Variants in TNRC6B observed in about 807,000 individuals in gnomAD.
TNRC6B encodes trinucleotide repeat containing adaptor 6B.
Under a neutral mutation model 203.6 loss-of-function variants are expected in TNRC6B, and 52 were observed. The observed-to-expected ratio is 0.26, with a 90% confidence interval of 0.20 to 0.32. The LOEUF (loss-of-function observed/expected upper bound fraction) is 0.32. Among genes scored for constraint, TNRC6B ranks in the 10% least tolerant of loss-of-function variants. The pLI, the probability that TNRC6B is intolerant of heterozygous loss-of-function variation, is 1.00. For missense variants in TNRC6B, 1,923 were observed against 2,286.2 expected (o/e 0.84, Z 3.24); for synonymous variants, 838 against 845.7 (o/e 0.99, Z 0.16).
intron 3 of TNRC6B, among the ~76,000 whole-genome samples, chr22:40,257,496 C>A (rs1237880869): frequency 6.6e-6 from 1 of 152,116 alleles, no homozygotes; most frequent in Non-Finnish European, 1.5e-5. Flanking sequence ...GCAGGTGGAT[C>A]ACCTGAGGTC....
intron 1 of TNRC6B, among the ~76,000 whole-genome samples, chr22:40,113,626 G>T (rs2068361682): frequency 6.6e-6 from 1 of 152,192 alleles, no homozygotes; most frequent in Non-Finnish European, 1.5e-5. Context: ...CAAAGTGCCA[G>T]GATTACAGGT....
intron 3 of TNRC6B, among the ~76,000 whole-genome samples, chr22:40,154,868 T>TAC (rs2068803636): frequency 2.9e-5 from 1 of 34,232 alleles, no homozygotes; most frequent in Non-Finnish European, 4.8e-5. Flanking sequence ...AAAATATATA[T>TAC]ATATATATAT....
In TNRC6B at chr22:40,089,441, C is replaced by T. The variant is rs574415887; in HGVS notation, c.-120-27614C>T. Among the ~76,000 whole-genome samples, 6 of 152,228 alleles carry T rather than the reference C, an allele frequency of 3.9e-5. No homozygotes were observed. The South Asian group carries it at 1.0e-3, about 26-fold the overall frequency. On this transcript the variant is annotated intron_variant, in intron 1 of 23. Transcript: ENST00000301923. ...AGAGATGGGGCTTCACCATGTTGGC[C>T]AGGCTGGTTGTGAACTCCTGACCTC...
chr22:40,083,768 A>C (rs2068079345), intron 1 of TNRC6B, among the ~76,000 whole-genome samples: 15 of 152,124 alleles, frequency 9.9e-5, no homozygotes, highest in Admixed American at 9.8e-4. Flanking sequence ...GAAAGAGGGG[A>C]AAATTGATGC....
chr22:40,261,886 G>T lies in TNRC6B; in HGVS notation c.170G>T (p.Gly57Val), dbSNP rs1385031694. 1 of 1,593,680 alleles carries T rather than the reference G, an allele frequency of 6.3e-7. No individual in the cohort carries two copies. The highest frequency in any genetic ancestry group is 1.3e-5 in the African/African-American group (1 of 74,760). The change falls in exon 4 of 23, where the codon GGC becomes GTC. Residue 57 changes from glycine (G) to valine (V), a missense_variant. Gly to Val is a moderately radical substitution (Grantham distance 109). Coordinates refer to ENST00000454349, the MANE Select transcript of TNRC6B (RefSeq NM_001162501.2). ...CAACCAACGGCCGCCAGCCCAATTG[G>T]CAGCTCTCCATCGCCACCAGTCAAT... ...LSQPTAASPI[G>V]SSPSPPVNGG...
At chr22:40,253,284 G>T (rs548243881) in intron 3 of TNRC6B, among the ~76,000 whole-genome samples, 1 of 150,436 alleles carries the variant, frequency 6.6e-6, no homozygotes, top group Non-Finnish European at 1.5e-5. Flanking sequence ...TAGAGACGGG[G>T]TTTCACCATG....
intron 1 of TNRC6B, among the ~76,000 whole-genome samples, chr22:40,210,950 A>C (rs576137933): frequency 6.6e-6 from 1 of 152,148 alleles, no homozygotes; most frequent in Non-Finnish European, 1.5e-5. Flanking sequence ...CAGTCATGAC[A>C]AACAAATGTC....
intron 4 of TNRC6B, among the ~76,000 whole-genome samples, chr22:40,156,755 G>GTTTTTTTTTTTTT (rs542249864): frequency 7.4e-6 from 1 of 135,008 alleles, no homozygotes; most frequent in Non-Finnish European, 1.6e-5. Flanking sequence ...TTTGTTGTTG[G>GTTTTTTTTTTTTT]TTTTTTTTTT....
chr22:40,126,763 G>A (rs5995816), intron 3 of TNRC6B, among the ~76,000 whole-genome samples: 1,833 of 150,304 alleles, frequency 0.012, 38 homozygotes, highest in African/African-American at 0.042. Flanking sequence ...GCTAATTTTT[G>A]TATTTTTTGT....
chr22:40,099,512 A>G (rs1006096261), intron 1 of TNRC6B, among the ~76,000 whole-genome samples: 2 of 152,156 alleles, frequency 1.3e-5, no homozygotes, highest in Non-Finnish European at 2.9e-5. Context: ...ACTCCAATCA[A>G]TCATGGATCA....
intron 1 of TNRC6B, among the ~76,000 whole-genome samples, chr22:40,102,969 C>G (rs981142776): frequency 6.6e-6 from 1 of 151,868 alleles, no homozygotes; most frequent in Non-Finnish European, 1.5e-5. Context: ...CCCAGCTACT[C>G]GGGAGACTGA....
At chr22:40,200,378 C>T (rs2069396134) in intron 1 of TNRC6B, among the ~76,000 whole-genome samples, 1 of 135,192 alleles carries the variant, frequency 7.4e-6, no homozygotes, top group African/African-American at 2.7e-5. Flanking sequence ...CCTCTGCCTG[C>T]CGGGTTCAAG....
At chr22:40,056,315 T>TA (rs1045136780) in intron 1 of TNRC6B, among the ~76,000 whole-genome samples, 17 of 152,258 alleles carry the variant, frequency 1.1e-4, no homozygotes, top group African/African-American at 3.9e-4. Flanking sequence ...TTAATTGACT[T>TA]ACGGTAATGC....
At position 40,277,989 on chromosome 22, in the gene TNRC6B, T is replaced by C. The variant is rs751349150; in HGVS notation, c.3217-10T>C. The stretch of plus-strand genomic sequence containing the variant: ...CCTTAATTCTCTCTCATCTGTTCTT[T>C]ATTTTCCAGAGTCAGACTGAAGATA... On this transcript the variant is annotated splice_polypyrimidine_tract_variant and intron_variant, in intron 8 of 22. Coordinates refer to ENST00000454349, the MANE Select transcript of TNRC6B (RefSeq NM_001162501.2). 8.4e-6 allele frequency: 13 copies of C among 1,552,178 alleles called. No individual in the cohort carries two copies. The highest frequency in any genetic ancestry group is 8.7e-6 in the Non-Finnish European group (10 of 1,143,784).
At chr22:40,045,194 G>T (rs1206570244) in intron 1 of TNRC6B, among the ~76,000 whole-genome samples, 2 of 145,246 alleles carry the variant, frequency 1.4e-5, no homozygotes, top group African/African-American at 2.5e-5. Flanking sequence ...GAGGGGGCGT[G>T]AGCGCGCGCG....
At chr22:40,045,059 CG>C (rs1244878235) in intron 1 of TNRC6B, 7 of 144,024 alleles carry the variant, frequency 4.9e-5, no homozygotes, top group Admixed American at 2.1e-4. Context: ...CGGGACGGAG[CG>C]GGGCGGCCGG....
intron 12 of TNRC6B, among the ~76,000 whole-genome samples, chr22:40,297,294 G>A (rs2070957549): frequency 1.3e-5 from 2 of 152,140 alleles, no homozygotes; most frequent in Admixed American, 6.5e-5. Context: ...AAGCTTTAGC[G>A]GCATATGACT....
At chr22:40,101,354 G>C (rs554631271) in intron 1 of TNRC6B, among the ~76,000 whole-genome samples, 1 of 152,290 alleles carries the variant, frequency 6.6e-6, no homozygotes, top group East Asian at 1.9e-4. Context: ...CCGAGGGCTT[G>C]TTAACAGCAC....
chr22:40,295,521 T>A (rs749999891), intron 12 of TNRC6B, among the ~76,000 whole-genome samples: 19 of 151,344 alleles, frequency 1.3e-4, no homozygotes, highest in Non-Finnish European at 2.1e-4. Flanking sequence ...CATGTAGTCT[T>A]GAGAATGTAG....
Sources: gnomAD v4.1 joint callset for allele counts (sites outside exome capture counted in the v4.1 genomes callset) on GRCh38, gnomAD v4.1.1 for gene constraint, MANE v1.5 for transcripts, NCBI Gene and HGNC (gene_info 2026-07-23, HGNC 2026-07-21) for gene names.